The following SPECC1 variants were observed in gnomAD, a reference collection of about 807,000 sequenced individuals.
The protein encoded by SPECC1 is sperm antigen with calponin homology and coiled-coil domains 1.
In SPECC1, 62 loss-of-function variants were observed where a neutral mutation model predicts 104.1. That is an observed-to-expected ratio of 0.60 (90% CI 0.49 to 0.74). The LOEUF (loss-of-function observed/expected upper bound fraction) is 0.74, where lower values mean the gene tolerates loss of function less well. SPECC1 is among the 30% of genes least tolerant of loss of function. The pLI is 0.00. For missense variants in SPECC1, 1,306 were observed against 1,310.5 expected (o/e 1.00, Z 0.05); for synonymous variants, 513 against 501.6 (o/e 1.02, Z -0.30).
At chr17:20,194,345 G>A (rs2035863399) in intron 3 of SPECC1, among the ~76,000 whole-genome samples, 1 of 151,912 alleles carries the variant, frequency 6.6e-6, no homozygotes, top group Non-Finnish European at 1.5e-5. Context: ...ACCTTGAACA[G>A]GGACTGTTGT....
Position 20,315,216 on chromosome 17 carries a change from T to TA in SPECC1, c.*1151_*1152insA. 1 of 232,844 alleles carries TA rather than the reference T, an allele frequency of 4.3e-6. No individual in the cohort carries two copies. Among genetic ancestry groups the TA allele is most frequent in the Non-Finnish European group, 8.5e-6 (1 of 117,784 alleles). The allele number at this position is 232,844 out of a possible 1,614,324, so 14.4% of individuals were successfully genotyped here. On this transcript the variant is annotated 3_prime_UTR_variant, in exon 15 of 15. Transcript: ENST00000395527. ...TTTCGGCTCTGGACTGATTTGGCCT[T>TA]TAGTGCTTCCCCAGGCCTCTTTCAT... is the stretch of plus-strand genomic sequence containing the variant.
At chr17:20,027,375 G>A (rs1470322201) in intron 1 of SPECC1, among the ~76,000 whole-genome samples, 1 of 152,148 alleles carries the variant, frequency 6.6e-6, no homozygotes, top group Non-Finnish European at 1.5e-5. Flanking sequence ...CCATTCTACA[G>A]GTTGTCTTTT....
At chr17:20,257,362 T>G in intron 10 of SPECC1, 89 bp from the exon 11 acceptor site, 24 of 1,410,498 alleles carry the variant, frequency 1.7e-5, no homozygotes, top group Non-Finnish European at 2.2e-5. Context: ...GAGGATAAAA[T>G]GAGAACTGTA....
At chr17:20,231,315 A>C (rs1030880127) in intron 5 of SPECC1, among the ~76,000 whole-genome samples, 4 of 152,230 alleles carry the variant, frequency 2.6e-5, no homozygotes, top group Non-Finnish European at 5.9e-5. Context: ...GACTCTAGAA[A>C]GTGCTTTACA....
chr17:20,271,241 G>T (rs1208361072), intron 12 of SPECC1, among the ~76,000 whole-genome samples: 1 of 151,724 alleles, frequency 6.6e-6, no homozygotes, highest in Non-Finnish European at 1.5e-5. Context: ...TTACCTCTAC[G>T]TTGCTGACTA....
intron 1 of SPECC1, among the ~76,000 whole-genome samples, chr17:20,083,581 T>G (rs1370014957): frequency 6.6e-6 from 1 of 152,192 alleles, no homozygotes; most frequent in African/African-American, 2.4e-5. Flanking sequence ...GCTGAGTTCA[T>G]TCTTTCTATT....
At chr17:20,080,628 G>C (rs1391501487) in intron 1 of SPECC1, among the ~76,000 whole-genome samples, 2 of 152,084 alleles carry the variant, frequency 1.3e-5, no homozygotes, top group Admixed American at 6.5e-5. Flanking sequence ...AGACTCTCGT[G>C]GGGAGGGTCT....
At chr17:20,105,668 CCT>C (rs1256166899) in intron 2 of SPECC1, among the ~76,000 whole-genome samples, 1 of 152,202 alleles carries the variant, frequency 6.6e-6, no homozygotes, top group Non-Finnish European at 1.5e-5. Flanking sequence ...CTGCTTCACC[CCT>C]GTTCTTATCA....
intron 3 of SPECC1, among the ~76,000 whole-genome samples, chr17:20,119,259 T>C (rs1597749549): frequency 1.3e-5 from 2 of 152,246 alleles, no homozygotes; most frequent in East Asian, 1.9e-4. Flanking sequence ...ATTTTATTTT[T>C]TGAGACGGAG....
At chr17:20,249,900 T>A (rs2039558704) in intron 9 of SPECC1, among the ~76,000 whole-genome samples, 1 of 151,864 alleles carries the variant, frequency 6.6e-6, no homozygotes, top group Non-Finnish European at 1.5e-5. Flanking sequence ...GGGATAATGA[T>A]CAAGAATTTC....
rs1000861039 is a variant in SPECC1 at position 20,246,950 on chromosome 17, T to C, written c.2498-269T>C. 2.6e-4 allele frequency among the ~76,000 whole-genome samples: 40 copies of C among 152,238 alleles called. 1 individual carries two copies. Among genetic ancestry groups the C allele is most frequent in the Non-Finnish European group, 5.1e-4 (35 of 68,034 alleles). ...ACAATTTGTACAAGAACTTTTCTGT[T>C]CCTTCCTTCTCTAGGCATCTCATTA... is the stretch of plus-strand genomic sequence containing the variant. On this transcript the variant is annotated intron_variant, in intron 8 of 14. Coordinates refer to ENST00000395527, the MANE Select transcript of SPECC1 (RefSeq NM_001243439.2).
rs187876640 is a variant in SPECC1 at position 20,306,204 on chromosome 17, A to T, written c.3117+122A>T. On this transcript the variant is annotated intron_variant, in intron 14 of 14. Coordinates refer to ENST00000395527, the MANE Select transcript of SPECC1 (RefSeq NM_001243439.2). ...GTTTGCCGAAAGTCTGTTGCTCTCA[A>T]TACCTAATATAGAGTTATCCAGTTG... is the stretch of plus-strand genomic sequence containing the variant. The T allele has an allele frequency of 1.9e-3, 1,545 of 792,638 alleles. 9 individuals are homozygous for T. The highest frequency in any genetic ancestry group is 1.2e-3 in the Non-Finnish European group (564 of 473,638). The allele number at this position is 792,638 out of a possible 1,614,324, so 49.1% of individuals were successfully genotyped here.
chr17:20,248,200 G>C (rs1412078110), intron 9 of SPECC1, among the ~76,000 whole-genome samples: 1 of 152,186 alleles, frequency 6.6e-6, no homozygotes, highest in East Asian at 1.9e-4. Context: ...ATGTTTACCA[G>C]GAGAAGCTGC....
At chr17:20,129,108 G>T (rs1380496312) in intron 3 of SPECC1, among the ~76,000 whole-genome samples, 1 of 151,804 alleles carries the variant, frequency 6.6e-6, no homozygotes, top group Non-Finnish European at 1.5e-5. Context: ...TTCCTGGGCT[G>T]AAGCCATCCT....
chr17:20,141,720 C>T (rs2030823231), intron 3 of SPECC1, among the ~76,000 whole-genome samples: 1 of 152,102 alleles, frequency 6.6e-6, no homozygotes, highest in Non-Finnish European at 1.5e-5. Context: ...CTGTTTCCAC[C>T]ACCAGCTCCA....
chr17:20,060,604 T>G (rs1291975595), intron 1 of SPECC1, among the ~76,000 whole-genome samples: 1 of 152,258 alleles, frequency 6.6e-6, no homozygotes, highest in Non-Finnish European at 1.5e-5. Flanking sequence ...TTCACCATTG[T>G]GCTTTCTATG....
chr17:20,245,786 G>A (rs1458847719), intron 7 of SPECC1, 140 bp from the exon 8 acceptor site: 2 of 984,456 alleles, frequency 2.0e-6, no homozygotes, highest in Non-Finnish European at 2.9e-6. Context: ...CAAACTGGTA[G>A]AGAAAACAGG....
At chr17:20,313,453 A>G (rs1306113035) in intron 14 of SPECC1, among the ~76,000 whole-genome samples, 2 of 152,240 alleles carry the variant, frequency 1.3e-5, no homozygotes, top group South Asian at 4.1e-4. Context: ...GTGAGCGTAC[A>G]CTGGATGCCA....
intron 1 of SPECC1, among the ~76,000 whole-genome samples, chr17:20,028,992 C>T (rs1469051307): frequency 1.3e-5 from 2 of 152,120 alleles, no homozygotes; most frequent in Non-Finnish European, 2.9e-5. Context: ...GAGCTCCCGA[C>T]CTCAGGTAAT....
Sources: gnomAD v4.1 joint callset for allele counts (sites outside exome capture counted in the v4.1 genomes callset) on GRCh38, gnomAD v4.1.1 for gene constraint, MANE v1.5 for transcripts, NCBI Gene and HGNC (gene_info 2026-07-23, HGNC 2026-07-21) for gene names.